RIT2: variants seen among roughly 807,000 people sequenced by gnomAD.
RIT2 encodes the protein GTP-binding protein Rit2.
RIT2 carries 24 observed loss-of-function variants against 23.7 expected under a neutral mutation model. The observed-to-expected ratio is 1.01, with a 90% CI of 0.73 to 1.43. The LOEUF (loss-of-function observed/expected upper bound fraction) is 1.43, where lower values mean the gene tolerates loss of function less well. Ranked by LOEUF, RIT2 falls within the 40% of genes most tolerant of loss-of-function variation. The pLI is 0.00. For missense variants in RIT2, 236 were observed against 266.9 expected, an observed-to-expected ratio of 0.88 and a Z score of 0.81; for synonymous variants, 107 against 91.1, an observed-to-expected ratio of 1.17 and a Z score of -0.99.
chr18:42,898,546 C>T (rs1187441621), intron 4 of RIT2, among the ~76,000 whole-genome samples: 1 of 152,078 alleles, frequency 6.6e-6, no homozygotes, highest in African/African-American at 2.4e-5. Context: ...ATATCAAACT[C>T]CAAGATAACT....
At position 42,830,162 on chromosome 18, in the gene RIT2, G is replaced by A. The variant is rs76357577; in HGVS notation, c.427-86442C>T. 6.9e-3 allele frequency among the ~76,000 whole-genome samples: 1,050 copies of A among 152,266 alleles called. 11 individuals are homozygous for A. The highest frequency in any genetic ancestry group is 0.024 in the African/African-American group (978 of 41,552). On this transcript the variant is annotated intron_variant, in intron 4 of 4. Transcript: ENST00000326695. ...AGAATTTAGAGACCATAACTAGCCA[G>A]CTGTACACACTGAACTATCACTTCT... is the stretch of plus-strand genomic sequence containing the variant.
chr18:42,802,105 T>G lies in RIT2; in HGVS notation c.427-58385A>C, dbSNP rs148816476. Among the ~76,000 whole-genome samples, 168 of 152,214 alleles carry G rather than the reference T, an allele frequency of 1.1e-3. 1 individual carries two copies. The highest frequency in any genetic ancestry group is 1.1e-3 in the Non-Finnish European group (74 of 68,012). On this transcript the variant is annotated intron_variant, in intron 4 of 4. Transcript: ENST00000326695. ...TCATGAAGCCCACATGCAGAAAATA[T>G]AGGATATCATAGTCAGAATTAGATA... is the stretch of plus-strand genomic sequence containing the variant.
intron 4 of RIT2, among the ~76,000 whole-genome samples, chr18:42,746,647 T>C (rs906368448): frequency 6.6e-6 from 1 of 152,044 alleles, no homozygotes; most frequent in Non-Finnish European, 1.5e-5. Context: ...AATGTGTCTC[T>C]CTCAGCAATT....
intron 1 of RIT2, among the ~76,000 whole-genome samples, chr18:43,099,289 A>G (rs770983923): frequency 2.0e-4 from 30 of 152,014 alleles, no homozygotes; most frequent in Non-Finnish European, 4.0e-4. Flanking sequence ...TTCAGTTTAA[A>G]CCTCCTTAAC....
intron 4 of RIT2, among the ~76,000 whole-genome samples, chr18:42,881,267 A>T (rs1015537092): frequency 1.3e-5 from 2 of 152,188 alleles, no homozygotes; most frequent in Non-Finnish European, 2.9e-5. Flanking sequence ...TCCATATCCA[A>T]TTGGTCAATA....
intron 3 of RIT2, among the ~76,000 whole-genome samples, chr18:42,961,880 C>T (rs192240992): frequency 1.8e-3 from 281 of 152,220 alleles, no homozygotes; most frequent in African/African-American, 5.6e-3. Flanking sequence ...AGTGAGAGTA[C>T]GCATTTTCCA....
At chr18:42,773,120 G>A (rs1332828624) in intron 4 of RIT2, among the ~76,000 whole-genome samples, 1 of 150,808 alleles carries the variant, frequency 6.6e-6, no homozygotes, top group East Asian at 2.0e-4. Context: ...TCTGTGCAAG[G>A]CAAAGACTAA....
chr18:42,787,658 T>C (rs1240721059), intron 4 of RIT2, among the ~76,000 whole-genome samples: 1 of 152,128 alleles, frequency 6.6e-6, no homozygotes, highest in African/African-American at 2.4e-5. Context: ...GTATCTTGTC[T>C]CTCAAATTAA....
At chr18:42,895,778 A>C (rs1908312379) in intron 4 of RIT2, among the ~76,000 whole-genome samples, 1 of 152,180 alleles carries the variant, frequency 6.6e-6, no homozygotes, top group Non-Finnish European at 1.5e-5. Context: ...TAACTGGCAT[A>C]AAGGGATCTC....
At chr18:43,060,174 C>G (rs931680176) in intron 1 of RIT2, among the ~76,000 whole-genome samples, 9 of 152,094 alleles carry the variant, frequency 5.9e-5, no homozygotes, top group African/African-American at 2.2e-4. Flanking sequence ...TTCCAACTCC[C>G]TGAATCAGAA....
intron 2 of RIT2, among the ~76,000 whole-genome samples, chr18:42,994,375 G>A (rs760156282): frequency 6.6e-6 from 1 of 151,978 alleles, no homozygotes; most frequent in Non-Finnish European, 1.5e-5. Context: ...TCTCTCAAAC[G>A]TCAACCCCTT....
chr18:42,835,031 G>A (rs369331876), intron 4 of RIT2, among the ~76,000 whole-genome samples: 1 of 152,080 alleles, frequency 6.6e-6, no homozygotes, highest in African/African-American at 2.4e-5. Context: ...GGAGTCAAAT[G>A]TTTCCACTTG....
At chr18:43,034,955 C>A (rs1337971416) in intron 1 of RIT2, among the ~76,000 whole-genome samples, 2 of 152,174 alleles carry the variant, frequency 1.3e-5, no homozygotes, top group African/African-American at 4.8e-5. Flanking sequence ...CATGTCCTTT[C>A]TGTGTTTGGA....
intron 4 of RIT2, among the ~76,000 whole-genome samples, chr18:42,827,409 C>G (rs746609850): frequency 2.0e-5 from 3 of 151,978 alleles, no homozygotes; most frequent in Non-Finnish European, 2.9e-5. Flanking sequence ...TAAAACATTT[C>G]TTAAATCAGG....
chr18:43,107,037 C>CGTCT (rs1322185472), intron 1 of RIT2, among the ~76,000 whole-genome samples: 1 of 152,122 alleles, frequency 6.6e-6, no homozygotes, highest in Non-Finnish European at 1.5e-5. Context: ...AGAGGACCAC[C>CGTCT]GTCTGTCAAT....
chr18:42,941,424 A>G (rs899726100), intron 3 of RIT2, among the ~76,000 whole-genome samples: 1 of 152,120 alleles, frequency 6.6e-6, no homozygotes, highest in Non-Finnish European at 1.5e-5. Context: ...GTTCACAGTC[A>G]AGTCTGTTTT....
chr18:42,922,964 C>CAA (rs1399576782), intron 4 of RIT2, among the ~76,000 whole-genome samples: 10 of 152,084 alleles, frequency 6.6e-5, no homozygotes, highest in African/African-American at 2.2e-4. Context: ...AAATTACCCC[C>CAA]AAAACATGGT....
At chr18:42,758,334 A>C (rs1913213506) in intron 4 of RIT2, among the ~76,000 whole-genome samples, 1 of 152,174 alleles carries the variant, frequency 6.6e-6, no homozygotes, top group Non-Finnish European at 1.5e-5. Flanking sequence ...CATTCTTCTA[A>C]CATGGTTTTG....
At chr18:43,016,010 A>G (rs1480385415) in intron 2 of RIT2, among the ~76,000 whole-genome samples, 7 of 151,900 alleles carry the variant, frequency 4.6e-5, no homozygotes, top group Admixed American at 4.6e-4. Context: ...TTGACTAATG[A>G]AGGTTTAATT....
Sources: gnomAD v4.1 joint callset for allele counts (sites outside exome capture counted in the v4.1 genomes callset) on GRCh38, gnomAD v4.1.1 for gene constraint, MANE v1.5 for transcripts, NCBI Gene and HGNC (gene_info 2026-07-23, HGNC 2026-07-21) for gene names.